The following POLQ variants were observed in gnomAD, a reference collection of about 807,000 sequenced individuals.
POLQ encodes the protein epididymis secretory sperm binding protein.
POLQ carries 233 observed loss-of-function variants against 259.2 expected under a neutral mutation model. That is an observed-to-expected ratio of 0.90 (90% confidence interval 0.81 to 1.00). The LOEUF is 1.00. Ranked by LOEUF, POLQ falls within the 50% of genes least tolerant of loss-of-function variation. The probability of loss-of-function intolerance (pLI) is 0.00; values close to 1 mark genes in which losing one functional copy is unlikely to be tolerated. For synonymous variants in POLQ, 1,025 were observed against 1,048.8 expected (o/e 0.98, Z 0.44); for missense variants, 2,871 against 3,051.6 (o/e 0.94, Z 1.39).
At position 121,481,773 on chromosome 3, in the gene POLQ, T is replaced by A; in HGVS notation, c.6010A>T (p.Thr2004Ser). Residue 2004 changes from threonine (T) to serine (S), a missense_variant, in exon 19 of 30, where the codon ACT (threonine) becomes TCT (serine). By Grantham distance (58) the Thr-to-Ser change is moderately conservative. Transcript: ENST00000264233. ...AAACTGGTAACTATGCTATGAAGAG[T>A]CGGCTCCTGAGAATCTGGATCTAGT... ...WLLDPDSQEP[T>S]LHSIVTSFLP... The A allele has an allele frequency of 6.2e-7, 1 of 1,613,128 alleles. No homozygotes were observed. Among genetic ancestry groups the A allele is most frequent in the Non-Finnish European group, 8.5e-7 (1 of 1,179,360 alleles).
rs774332105 is a variant in POLQ, at chr3:121,488,054, T to C, written c.4877A>G (p.Asn1626Ser). The change falls in exon 16 of 30, where the codon AAT (asparagine) becomes AGT (serine). Residue 1626 changes from asparagine (N) to serine (S), a missense_variant. Transcript: ENST00000264233. ...EKSKLTGTRQ[N>S]HSFIWSGASF... The stretch of plus-strand genomic sequence containing the variant: ...TGCCCCTGACCATATGAATGAATGA[T>C]TTTGCCTGGTCCCAGTTAATTTTGA... 6.2e-7 allele frequency: 1 copy of C among 1,614,070 alleles called. No individual in the cohort carries two copies. Among genetic ancestry groups the C allele is most frequent in the Non-Finnish European group, 8.5e-7 (1 of 1,179,946 alleles).
chr3:121,543,117 G>A (rs2048502634), intron 2 of POLQ, among the ~76,000 whole-genome samples: 1 of 152,184 alleles, frequency 6.6e-6, no homozygotes, highest in South Asian at 2.1e-4. Flanking sequence ...CCTAAAAACA[G>A]AAAGGAGTCA....
chr3:121,541,601 C>A, intron 2 of POLQ, 122 bp from the exon 3 acceptor site: 1 of 774,326 alleles, frequency 1.3e-6, no homozygotes, highest in Non-Finnish European at 2.1e-6. Flanking sequence ...ACTAAGGGCC[C>A]AATAGCACTT....
At chr3:121,494,462 A>G (rs775806312) in intron 14 of POLQ, 4 of 1,507,232 alleles carry the variant, frequency 2.7e-6, no homozygotes, top group African/African-American at 2.7e-5. Flanking sequence ...GGCCTGGGCC[A>G]AGAAGAAAGC....
In POLQ at chr3:121,498,591, A is replaced by T. The variant is rs111660669; in HGVS notation, c.2039T>A (p.Met680Lys). The change falls in exon 13 of 30, where the codon ATG becomes AAG. Residue 680 changes from methionine to lysine, a missense_variant. Coordinates refer to ENST00000264233, the MANE Select transcript of POLQ (RefSeq NM_199420.4). ...FCLWEKLPTS[M>K]KRVAELVGVE... ...TCCCACTAGCTCTGCCACCCTTTTCATTGAAGTTGGCAACTTCTCCCATAA... is the reference window on the plus strand; with the variant it reads ...TCCCACTAGCTCTGCCACCCTTTTCTTTGAAGTTGGCAACTTCTCCCATAA... The T allele has an allele frequency of 1.2e-5, 19 of 1,613,720 alleles. No individual in the cohort carries two copies. Among genetic ancestry groups the T allele is most frequent in the Admixed American group, 8.3e-5 (5 of 60,000 alleles).
chr3:121,540,764 A>G (rs1212138026), intron 3 of POLQ, among the ~76,000 whole-genome samples: 1 of 152,292 alleles, frequency 6.6e-6, no homozygotes, highest in East Asian at 1.9e-4. Flanking sequence ...TAGTTTAAAT[A>G]TTCTGTTTAT....
At chr3:121,530,089 G>A (rs865810802) in intron 6 of POLQ, among the ~76,000 whole-genome samples, 2 of 152,060 alleles carry the variant, frequency 1.3e-5, no homozygotes, top group Non-Finnish European at 2.9e-5. Flanking sequence ...TAGTCAAGGG[G>A]TTTATAGTCT....
rs78578025 is a variant in POLQ at position 121,483,586 on chromosome 3, T to TAAA, written c.5774-7_5774-5dup. On this transcript the variant is annotated splice_region_variant and splice_polypyrimidine_tract_variant and intron_variant, in intron 17 of 29. Coordinates refer to ENST00000264233, the MANE Select transcript of POLQ (RefSeq NM_199420.4). Reference sequence around the variant, plus strand: ...GGAACCAAACTGGCACTAATTTCTTTAAAAAAAAAAAAAAAAAGGAAAAAA... The same window carrying TAAA: ...GGAACCAAACTGGCACTAATTTCTTTAAAAAAAAAAAAAAAAAAAAGGAAAAAA... 143 of 1,277,118 alleles carry TAAA rather than the reference T, an allele frequency of 1.1e-4. No individual in the cohort carries two copies. Among genetic ancestry groups the TAAA allele is most frequent in the South Asian group, 3.6e-4 (19 of 53,118 alleles). The allele number at this position is 1,277,118 out of a possible 1,614,324, so 79.1% of individuals were successfully genotyped here.
intron 25 of POLQ, among the ~76,000 whole-genome samples, chr3:121,450,491 G>A (rs1322454489): frequency 6.6e-6 from 1 of 151,466 alleles, no homozygotes; most frequent in Admixed American, 6.6e-5. Flanking sequence ...TTTATATTAG[G>A]TGTATCTCCT....
chr3:121,467,769 G>C, intron 23 of POLQ, 129 bp from the exon 24 acceptor site: 1 of 901,704 alleles, frequency 1.1e-6, no homozygotes, highest in Non-Finnish European at 1.7e-6. Flanking sequence ...GGCTGGGTGT[G>C]GTAGCTCACA....
At chr3:121,445,759 A>G (rs1189687896) in intron 26 of POLQ, among the ~76,000 whole-genome samples, 1 of 151,852 alleles carries the variant, frequency 6.6e-6, no homozygotes. Context: ...GCTACTTGGG[A>G]GGCTGAGACA....
chr3:121,492,661 G>A (rs1326500923), intron 15 of POLQ, among the ~76,000 whole-genome samples: 2 of 146,838 alleles, frequency 1.4e-5, no homozygotes, highest in African/African-American at 2.5e-5. Context: ...TTTGAGACAC[G>A]ATCTTACTCT....
chr3:121,454,355 A>C (rs561428698), intron 25 of POLQ, among the ~76,000 whole-genome samples: 7 of 152,362 alleles, frequency 4.6e-5, no homozygotes, highest in Admixed American at 2.0e-4. Flanking sequence ...TAACATCATA[A>C]TGACAGGATC....
At chr3:121,520,604 G>T (rs938707015) in intron 8 of POLQ, among the ~76,000 whole-genome samples, 1 of 152,098 alleles carries the variant, frequency 6.6e-6, no homozygotes, top group African/African-American at 2.4e-5. Context: ...CTAGACCAGG[G>T]GTCCACAAAC....
Position 121,444,059 on chromosome 3 carries a change from G to T in POLQ, c.7265-3943C>A, listed in dbSNP as rs2047613992. Among the ~76,000 whole-genome samples, 5 of 151,322 alleles carry T rather than the reference G, an allele frequency of 3.3e-5. No individual in the cohort carries two copies. In the South Asian group the frequency reaches 8.3e-4, roughly 25 times the overall value. ...GTTCTTTTTGCACAGGATAGCTTTG[G>T]CTATTCTAGGTCTCTTGTGGTTCCA... On this transcript the variant is annotated intron_variant, in intron 26 of 29. Transcript: ENST00000264233.
At chr3:121,536,990 A>G in intron 5 of POLQ, 110 bp downstream of exon 5, 1 of 657,238 alleles carries the variant, frequency 1.5e-6, no homozygotes, top group South Asian at 1.9e-5. Context: ...TTTTCTCAAT[A>G]AGAAAAATAT....
chr3:121,543,453 T>C (rs2048504745), intron 2 of POLQ, among the ~76,000 whole-genome samples: 1 of 152,338 alleles, frequency 6.6e-6, no homozygotes, highest in East Asian at 1.9e-4. Context: ...AAGTAATCTG[T>C]GAGGCTGCAT....
Position 121,473,346 on chromosome 3 carries a change from G to A in POLQ, c.6543+4C>T, listed in dbSNP as rs1007844885. The A allele has an allele frequency of 1.3e-5, 21 of 1,608,368 alleles. No individual in the cohort carries two copies. The highest frequency in any genetic ancestry group is 1.7e-5 in the Admixed American group (1 of 58,574). ...CCCTGCTCTGTGACTGCCCCAAAGA[G>A]CACCTTACTAGTGCTGAACTGTCTT... On this transcript the variant is annotated splice_donor_region_variant and intron_variant, in intron 21 of 29. Transcript: ENST00000264233.
At chr3:121,544,625 C>T (rs1441306122) in intron 2 of POLQ, 102 bp downstream of exon 2, 4 of 687,214 alleles carry the variant, frequency 5.8e-6, no homozygotes, top group Non-Finnish European at 1.0e-5. Context: ...AGTTATAAAG[C>T]ACTGCCTCAT....
Sources: allele counts gnomAD v4.1 joint callset (sites outside exome capture counted in the v4.1 genomes callset), GRCh38; gene constraint gnomAD v4.1.1; transcripts MANE v1.5; gene names NCBI Gene and HGNC (gene_info 2026-07-23, HGNC 2026-07-21).